The following SLC39A12 variants were observed in gnomAD, a reference collection of about 807,000 sequenced individuals.
SLC39A12 encodes the protein zinc transporter ZIP12.
SLC39A12 carries 63 observed loss-of-function variants against 71.1 expected under a neutral mutation model. That is an observed-to-expected ratio of 0.89 (90% confidence interval 0.72 to 1.09). The LOEUF (loss-of-function observed/expected upper bound fraction) is 1.09. Ranked by LOEUF, SLC39A12 falls within the 50% of genes least tolerant of loss-of-function variation. The pLI is 0.00. For synonymous variants in SLC39A12, 351 were observed against 301.3 expected, an observed-to-expected ratio of 1.16 and a Z score of -1.71; for missense variants, 892 against 812.6, an observed-to-expected ratio of 1.10 and a Z score of -1.19.
At chr10:17,959,025 C>T (rs575417064) in intron 2 of SLC39A12, among the ~76,000 whole-genome samples, 1 of 152,316 alleles carries the variant, frequency 6.6e-6, no homozygotes, top group Admixed American at 6.5e-5. Flanking sequence ...TTGCTGGGCA[C>T]ATGGCTACCA....
At position 17,977,882 on chromosome 10, in the gene SLC39A12, A is replaced by G; in HGVS notation, c.752-20A>G. 1 of 1,556,328 alleles carries G rather than the reference A, an allele frequency of 6.4e-7. No homozygotes were observed. Among genetic ancestry groups the G allele is most frequent in the Non-Finnish European group, 8.7e-7 (1 of 1,155,974 alleles). ...ACTTATCTATTCTATGTGACACCAG[A>G]TTTTATATGAAATTTCTAGAACTAG... On this transcript the variant is annotated intron_variant, in intron 4 of 12. Transcript: ENST00000377369.
intron 12 of SLC39A12, among the ~76,000 whole-genome samples, chr10:18,040,550 A>C (rs766689254): frequency 6.6e-6 from 1 of 152,140 alleles, no homozygotes; most frequent in Non-Finnish European, 1.5e-5. Flanking sequence ...CAGGTGGATC[A>C]CCTGAGGTCA....
chr10:18,008,932 G>C (rs41314968), intron 12 of SLC39A12, among the ~76,000 whole-genome samples: 8 of 151,970 alleles, frequency 5.3e-5, no homozygotes, highest in Non-Finnish European at 1.2e-4. Context: ...CTTAAATCCA[G>C]CTTCTCTAAA....
chr10:18,027,378 A>G lies in SLC39A12; in HGVS notation c.1948-15327A>G, dbSNP rs541886031. Among the ~76,000 whole-genome samples the G allele has an allele frequency of 3.3e-5, 5 of 152,362 alleles. No homozygotes were observed. In the South Asian group the frequency reaches 1.0e-3, roughly 32 times the overall value. On this transcript the variant is annotated intron_variant, in intron 12 of 12. Coordinates refer to ENST00000377369, the MANE Select transcript of SLC39A12 (RefSeq NM_001145195.2). ...TGGTTAACCAGTTTCCCCTGAGGGA[A>G]GATCTTGTTAAGAGCAGAATGCTCT...
chr10:18,036,399 G>C (rs989647518), intron 12 of SLC39A12, among the ~76,000 whole-genome samples: 1 of 152,072 alleles, frequency 6.6e-6, no homozygotes, highest in Non-Finnish European at 1.5e-5. Flanking sequence ...TCGGGTGGGA[G>C]TGACCCGATT....
At chr10:17,994,064 C>T (rs1486229991) in intron 9 of SLC39A12, among the ~76,000 whole-genome samples, 4 of 152,034 alleles carry the variant, frequency 2.6e-5, no homozygotes, top group Non-Finnish European at 5.9e-5. Flanking sequence ...GAGATAGGAA[C>T]CAGAAATTTC....
intron 12 of SLC39A12, among the ~76,000 whole-genome samples, chr10:18,008,240 C>T (rs538557590): frequency 2.0e-5 from 3 of 152,244 alleles, no homozygotes; most frequent in Non-Finnish European, 2.9e-5. Context: ...ACCTGAGCTC[C>T]GCCTCCTGTC....
In SLC39A12 at chr10:17,978,038, A is replaced by T. The variant is rs202242091; in HGVS notation, c.888A>T (p.Glu296Asp). The T allele has an allele frequency of 4.1e-4, 653 of 1,605,802 alleles. 3 individuals carry two copies. The highest frequency in any genetic ancestry group is 2.7e-3 in the Middle Eastern group (16 of 6,034). ...QDYSNFSSSM[E>D]KESEDGPVSW... ...ATTCTAATTTCTCTTCATCCATGGA[A>T]AAAGAGTCTGAGGATGGTCCAGTTT... The change falls in exon 5 of 13, where the codon GAA (glutamate) becomes GAT (aspartate). Residue 296 changes from glutamate to aspartate, a missense_variant. By Grantham distance (45) the Glu-to-Asp change is conservative. Coordinates refer to ENST00000377369, the MANE Select transcript of SLC39A12 (RefSeq NM_001145195.2).
chr10:17,993,250 G>A lies in SLC39A12; in HGVS notation c.1492G>A (p.Asp498Asn). ...HHLALNSELS[D>N]QAGRGKSAST... ...TCTTGCACTCAACTCTGAATTAAGT[G>A]ACCAGGCAGGCAGAGGCAAATCTGC... The change falls in exon 9 of 13, where the codon GAC (aspartate) becomes AAC (asparagine). Residue 498 changes from aspartate (D) to asparagine (N), a missense_variant. Transcript: ENST00000377369. 6.4e-7 allele frequency: 1 copy of A among 1,551,946 alleles called. No individual in the cohort carries two copies. Among genetic ancestry groups the A allele is most frequent in the Non-Finnish European group, 8.7e-7 (1 of 1,147,004 alleles).
chr10:17,982,279 G>A (rs11592022), intron 6 of SLC39A12, among the ~76,000 whole-genome samples: 28,421 of 152,028 alleles, frequency 0.19, 2,803 homozygotes, highest in Non-Finnish European at 0.2. Context: ...GAACTGTAAG[G>A]TTCAAATGGG....
chr10:17,989,774 C>T (rs1400388212), intron 7 of SLC39A12, among the ~76,000 whole-genome samples: 8 of 151,910 alleles, frequency 5.3e-5, no homozygotes, highest in South Asian at 4.2e-4. Context: ...AAAAACTAGC[C>T]GGGTGTGGTG....
intron 5 of SLC39A12, among the ~76,000 whole-genome samples, chr10:17,979,233 C>T (rs1341450579): frequency 6.6e-6 from 1 of 152,072 alleles, no homozygotes; most frequent in African/African-American, 2.4e-5. Flanking sequence ...TAATGAGTCC[C>T]CAGTAAGGAC....
chr10:17,984,821 G>A (rs745639205), intron 6 of SLC39A12, among the ~76,000 whole-genome samples: 2 of 152,178 alleles, frequency 1.3e-5, no homozygotes, highest in Non-Finnish European at 2.9e-5. Flanking sequence ...TATACCCATA[G>A]AAGAACAACT....
At chr10:18,036,752 A>G (rs867947943) in intron 12 of SLC39A12, among the ~76,000 whole-genome samples, 860 of 5,598 alleles carry the variant, frequency 0.15, 12 homozygotes, top group African/African-American at 0.35. Context: ...AAAATTATAT[A>G]TATATATATA....
In SLC39A12 at chr10:17,977,990, C is replaced by A. The variant is rs1432572044; in HGVS notation, c.840C>A (p.Asn280Lys). Residue 280 changes from asparagine to lysine, a missense_variant, in exon 5 of 13, where the codon AAC becomes AAA. Asn to Lys is a moderately conservative substitution (Grantham distance 94, BLOSUM62 0). Transcript: ENST00000377369. The part of the protein sequence containing the change: ...KIHQFQRKQN[N>K]IITHDQDYSN... ...ATCAATTTCAAAGGAAACAAAACAACATAATAACCCATGATCAGGACTATT... is the reference window on the plus strand; with the variant it reads ...ATCAATTTCAAAGGAAACAAAACAAAATAATAACCCATGATCAGGACTATT... The A allele has an allele frequency of 6.2e-7, 1 of 1,610,868 alleles. No homozygotes were observed. The highest frequency in any genetic ancestry group is 2.2e-5 in the East Asian group (1 of 44,688).
At chr10:18,024,285 C>T (rs929951282) in intron 12 of SLC39A12, among the ~76,000 whole-genome samples, 1 of 152,018 alleles carries the variant, frequency 6.6e-6, no homozygotes, top group African/African-American at 2.4e-5. Context: ...ATCCAAGGCC[C>T]TTGGGGTTCC....
intron 12 of SLC39A12, among the ~76,000 whole-genome samples, chr10:18,032,689 G>A (rs1167609082): frequency 2.0e-5 from 3 of 151,612 alleles, no homozygotes; most frequent in Non-Finnish European, 3.0e-5. Context: ...ACACTATGTT[G>A]AATAGGAGTG....
intron 4 of SLC39A12, among the ~76,000 whole-genome samples, 168 bp downstream of exon 4, chr10:17,965,858 G>T (rs1368397912): frequency 6.6e-6 from 1 of 152,160 alleles, no homozygotes; most frequent in Non-Finnish European, 1.5e-5. Flanking sequence ...CAAGGCAAGC[G>T]TGCTATGAAA....
chr10:18,015,685 A>G (rs1836357649), intron 12 of SLC39A12, among the ~76,000 whole-genome samples: 1 of 152,156 alleles, frequency 6.6e-6, no homozygotes, highest in African/African-American at 2.4e-5. Flanking sequence ...GGTGGGACAT[A>G]AAAAGTACAG....
Sources: gnomAD v4.1 joint callset for allele counts (sites outside exome capture counted in the v4.1 genomes callset) on GRCh38, gnomAD v4.1.1 for gene constraint, MANE v1.5 for transcripts, NCBI Gene and HGNC (gene_info 2026-07-23, HGNC 2026-07-21) for gene names.